DMRT2: variants seen among roughly 807,000 people sequenced by gnomAD.
DMRT2 encodes the protein doublesex- and mab-3-related transcription factor 2.
A neutral mutation model predicts 43.5 loss-of-function variants in DMRT2; 33 were observed. The ratio of observed to expected loss-of-function variants is 0.76; its 90% CI spans 0.58 to 1.01. DMRT2 has a LOEUF of 1.01. Among genes scored for constraint, DMRT2 ranks in the 50% least tolerant of loss-of-function variants. The pLI, the probability that DMRT2 is intolerant of heterozygous loss-of-function variation, is 0.00. For missense variants in DMRT2, 1,064 were observed against 748.0 expected, an observed-to-expected ratio of 1.42 and a Z score of -4.93; for synonymous variants, 395 against 309.2, an observed-to-expected ratio of 1.28 and a Z score of -2.91.
In DMRT2 at chr9:1,056,329, A is replaced by G. The variant is rs1821982318; in HGVS notation, c.742A>G (p.Ile248Val). The G allele has an allele frequency of 6.2e-7, 1 of 1,614,228 alleles. No individual in the cohort carries two copies. The highest frequency in any genetic ancestry group is 8.5e-7 in the Non-Finnish European group (1 of 1,180,050). The change falls in exon 4 of 4, where the codon ATT (isoleucine) becomes GTT (valine). Residue 248 changes from isoleucine (I) to valine (V), a missense_variant. Physicochemically the swap from Ile to Val is conservative, Grantham distance 29. Transcript: ENST00000358146. ...CTTTGCTGATAAAGAGTTGGAGAAC[A>G]TTATGCTGGAGAGAGAATATAAAGA... ...RAFADKELEN[I>V]MLEREYKERE...
chr9:1,056,359 G>C lies in DMRT2; in HGVS notation c.772G>C (p.Glu258Gln), dbSNP rs1821985087. ...IMLEREYKER[E>Q]MLETSQAAAL... ...GCTGGAGAGAGAATATAAAGAAAGG[G>C]AGATGTTGGAAACTTCTCAAGCTGC... Residue 258 changes from glutamate (E) to glutamine (Q), a missense_variant, in exon 4 of 4, where the codon GAG becomes CAG. Transcript: ENST00000358146. 1 of 1,614,160 alleles carries C rather than the reference G, an allele frequency of 6.2e-7. No homozygotes were observed. Among genetic ancestry groups the C allele is most frequent in the African/African-American group, 1.3e-5 (1 of 75,026 alleles).
In DMRT2 at chr9:1,051,906, G is replaced by T; in HGVS notation, c.293G>T (p.Gly98Val). The T allele has an allele frequency of 1.5e-6, 2 of 1,362,164 alleles. No individual in the cohort carries two copies. The highest frequency in any genetic ancestry group is 9.4e-7 in the Non-Finnish European group (1 of 1,067,920). The allele number at this position is 1,362,164 out of a possible 1,614,324, so 84.4% of individuals were successfully genotyped here. ...CTCGCGCCTCAGGCCTCACCCGCCGGCACCGGTCCCCGAGAGCGCTGCACT... is the reference window on the plus strand; with the variant it reads ...CTCGCGCCTCAGGCCTCACCCGCCGTCACCGGTCCCCGAGAGCGCTGCACT... ...PPLAPQASPA[G>V]TGPRERCTPA... is the part of the protein sequence containing the mutation. Residue 98 changes from glycine (G) to valine (V), a missense_variant, in exon 2 of 4, where the codon GGC (glycine) becomes GTC (valine). Transcript: ENST00000358146. This position sits in a 1 kb window ranked among gnomAD's most constrained non-coding sequence, Gnocchi z 5.9.
Position 1,051,197 on chromosome 9 carries a change from G to C in DMRT2, c.-44-373G>C, listed in dbSNP as rs769851532. On this transcript the variant is annotated intron_variant, in intron 1 of 3. Transcript: ENST00000358146. This position sits in a 1 kb window ranked among gnomAD's most constrained non-coding sequence, Gnocchi z 5.9. ...TTTTATATGCATCATGGCCATACTA[G>C]TTGAGTATGGGGAAATCCGACAAGT... Among the ~76,000 whole-genome samples the C allele has an allele frequency of 1.2e-4, 18 of 152,170 alleles. No individual in the cohort carries two copies. The highest frequency in any genetic ancestry group is 2.4e-4 in the Non-Finnish European group (16 of 68,038).
At chr9:1,054,408 CTT>C (rs34422902) in intron 3 of DMRT2, among the ~76,000 whole-genome samples, 22,817 of 137,984 alleles carry the variant, frequency 0.17, 1,742 homozygotes, top group Non-Finnish European at 0.19. Context: ...TTTCATTGTA[CTT>C]TTTTTTTTTT....
chr9:1,055,916 A>C, intron 3 of DMRT2: 1 of 1,421,980 alleles, frequency 7.0e-7, no homozygotes, highest in Non-Finnish European at 9.1e-7. Context: ...AAGAATATTA[A>C]AATTTTAATC....
intron 3 of DMRT2, among the ~76,000 whole-genome samples, chr9:1,055,225 A>G (rs751577028): frequency 1.3e-5 from 2 of 152,226 alleles, no homozygotes; most frequent in East Asian, 1.9e-4. Flanking sequence ...GCAAATGAGT[A>G]TAATGGGTTT....
chr9:1,051,860 G>A lies in DMRT2; in HGVS notation c.247G>A (p.Gly83Arg), dbSNP rs1026157610. Residue 83 changes from glycine (G) to arginine (R), a missense_variant, in exon 2 of 4, where the codon GGA (glycine) becomes AGA (arginine). Gly to Arg is a moderately radical substitution (Grantham distance 125). Coordinates refer to ENST00000358146, the MANE Select transcript of DMRT2 (RefSeq NM_181872.6). This position sits in a 1 kb window ranked among gnomAD's most constrained non-coding sequence, Gnocchi z 5.9. ...GCCCGGCCAGCCGGAGCAGCGGGGG[G>A]GACCGCAGCCGAGGCCGCCGCTCGC... Reference protein sequence around the residue: ...GMPGQPEQRGGPQPRPPLAPQ... With the variant: ...GMPGQPEQRGRPQPRPPLAPQ... 24 of 1,394,446 alleles carry A rather than the reference G, an allele frequency of 1.7e-5. No homozygotes were observed. Among genetic ancestry groups the A allele is most frequent in the Admixed American group, 3.8e-5 (1 of 26,524 alleles). The allele number at this position is 1,394,446 out of a possible 1,614,324, so 86.4% of individuals were successfully genotyped here.
rs1822006424 is a variant in DMRT2, at chr9:1,056,587, C to G, written c.1000C>G (p.Gln334Glu). 6.2e-7 allele frequency: 1 copy of G among 1,614,208 alleles called. No individual in the cohort carries two copies. ...TGTCAGCGTGGCCACAACTTATAGACAGTATCCCTTGTCCTCAAGATTTTT... is the reference window on the plus strand; with the variant it reads ...TGTCAGCGTGGCCACAACTTATAGAGAGTATCCCTTGTCCTCAAGATTTTT... ...SNVSVATTYR[Q>E]YPLSSRFLVW... Residue 334 changes from glutamine (Q) to glutamate (E), a missense_variant, in exon 4 of 4, where the codon CAG becomes GAG. Gln to Glu is a conservative substitution (Grantham distance 29). Coordinates refer to ENST00000358146, the MANE Select transcript of DMRT2 (RefSeq NM_181872.6).
rs776920272 is a variant in DMRT2, at chr9:1,051,687, A to C, written c.74A>C (p.Asp25Ala). The C allele has an allele frequency of 1.9e-6, 3 of 1,563,634 alleles. No homozygotes were observed. The highest frequency in any genetic ancestry group is 2.6e-6 in the Non-Finnish European group (3 of 1,162,496). The change falls in exon 2 of 4, where the codon GAC (aspartate) becomes GCC (alanine). Residue 25 changes from aspartate (D) to alanine (A), a missense_variant. Physicochemically the swap from Asp to Ala is moderately radical, Grantham distance 126. Coordinates refer to ENST00000358146, the MANE Select transcript of DMRT2 (RefSeq NM_181872.6). This position sits in a 1 kb window ranked among gnomAD's most constrained non-coding sequence, Gnocchi z 5.9. ...IDVESLELEE[D>A]VCGAPRSTPP... ...GTCGAGAGCCTGGAGCTGGAAGAGG[A>C]CGTCTGCGGGGCGCCGCGGTCCACG...
rs376847583 is a variant in DMRT2, at chr9:1,057,113, A to G, written c.1526A>G (p.Lys509Arg). Residue 509 changes from lysine to arginine, a missense_variant, in exon 4 of 4, where the codon AAG (lysine) becomes AGG (arginine). Physicochemically the swap from Lys to Arg is conservative, Grantham distance 26. Transcript: ENST00000358146. ...AAGAAACACAGAGAGTGTTTAGTTAAGGACAACCAGAAGTACACATTTACA... is the reference window on the plus strand; with the variant it reads ...AAGAAACACAGAGAGTGTTTAGTTAGGGACAACCAGAAGTACACATTTACA... ...TPKKHRECLV[K>R]DNQKYTFTID... 164 of 1,614,088 alleles carry G rather than the reference A, an allele frequency of 1.0e-4. No individual in the cohort carries two copies. Among genetic ancestry groups the G allele is most frequent in the Non-Finnish European group, 1.3e-4 (159 of 1,180,054 alleles).
chr9:1,051,452 T>C lies in DMRT2; in HGVS notation c.-44-118T>C. The C allele has an allele frequency of 8.2e-7, 1 of 1,226,774 alleles. No individual in the cohort carries two copies. Among genetic ancestry groups the C allele is most frequent in the Non-Finnish European group, 1.1e-6 (1 of 938,826 alleles). The allele number at this position is 1,226,774 out of a possible 1,614,324, so 76.0% of individuals were successfully genotyped here. On this transcript the variant is annotated intron_variant, in intron 1 of 3. Coordinates refer to ENST00000358146, the MANE Select transcript of DMRT2 (RefSeq NM_181872.6). This position sits in a 1 kb window ranked among gnomAD's most constrained non-coding sequence, Gnocchi z 5.9. ...TGGCCTGGAAGTGAGGGACATGTAATGAGAACAGGATGACTCAAGCGGCCG... is the reference window on the plus strand; with the variant it reads ...TGGCCTGGAAGTGAGGGACATGTAACGAGAACAGGATGACTCAAGCGGCCG...
chr9:1,056,361 G>C lies in DMRT2; in HGVS notation c.774G>C (p.Glu258Asp), dbSNP rs781086682. Residue 258 changes from glutamate (E) to aspartate (D), a missense_variant, in exon 4 of 4, where the codon GAG becomes GAC. Glu to Asp is a conservative substitution (Grantham distance 45). Transcript: ENST00000358146. ...TGGAGAGAGAATATAAAGAAAGGGA[G>C]ATGTTGGAAACTTCTCAAGCTGCTG... ...IMLEREYKER[E>D]MLETSQAAAL... 6.2e-7 allele frequency: 1 copy of C among 1,614,190 alleles called. No individual in the cohort carries two copies. The highest frequency in any genetic ancestry group is 2.2e-5 in the East Asian group (1 of 44,872).
Position 1,056,471 on chromosome 9 carries a change from C to A in DMRT2, c.884C>A (p.Pro295Gln), listed in dbSNP as rs144648877. Residue 295 changes from proline (P) to glutamine (Q), a missense_variant, in exon 4 of 4, where the codon CCA becomes CAA. Pro to Gln is a moderately conservative substitution (Grantham distance 76). Coordinates refer to ENST00000358146, the MANE Select transcript of DMRT2 (RefSeq NM_181872.6). ...SAYSPSPVEP[P>Q]SKDFCNFLPT... ...TACAGCCCCAGCCCAGTGGAACCACCAAGCAAGGACTTCTGTAATTTTTTG... is the reference window on the plus strand; with the variant it reads ...TACAGCCCCAGCCCAGTGGAACCACAAAGCAAGGACTTCTGTAATTTTTTG... 9.9e-6 allele frequency: 16 copies of A among 1,614,080 alleles called. No individual in the cohort carries two copies. The highest frequency in any genetic ancestry group is 2.2e-5 in the East Asian group (1 of 44,890).
At chr9:1,052,183 G>A in intron 2 of DMRT2, 45 bp downstream of exon 2, 2 of 1,307,640 alleles carry the variant, frequency 1.5e-6, no homozygotes, top group Non-Finnish European at 1.9e-6. Context: ...CAGTGGAGGT[G>A]GGGGAGTTGG....
rs1258885370 is a variant in DMRT2 at position 1,053,904 on chromosome 9, A to T, written c.628+80A>T. The T allele has an allele frequency of 1.7e-5, 22 of 1,280,596 alleles. No individual in the cohort carries two copies. The South Asian group carries it at 2.6e-4, about 15-fold the overall frequency. 79.3% of individuals were successfully genotyped at this position (1,280,596 alleles called of 1,614,324 possible). Reference sequence around the variant, plus strand: ...TAATCAGCACAAAGTGTGTTTATTAATCTGTGAAAGAGCTATCTAAAGGGA... The same window carrying T: ...TAATCAGCACAAAGTGTGTTTATTATTCTGTGAAAGAGCTATCTAAAGGGA... On this transcript the variant is annotated intron_variant, in intron 3 of 3. Coordinates refer to ENST00000358146, the MANE Select transcript of DMRT2 (RefSeq NM_181872.6).
chr9:1,056,102 G>A (rs761984453), intron 3 of DMRT2, 114 bp from the exon 4 acceptor site: 11 of 1,501,992 alleles, frequency 7.3e-6, no homozygotes, highest in African/African-American at 4.2e-5. Context: ...TCAGTGAGAT[G>A]GAACTGTAAA....
chr9:1,053,775 C>T lies in DMRT2; in HGVS notation c.579C>T (p.Tyr193=). ...KQNNFERKAV[Y]QRQVRAPSLL... ...ATAATTTCGAGCGCAAAGCTGTGTACCAGAGGCAAGTCAGAGCCCCCAGTT... is the reference window on the plus strand; with the variant it reads ...ATAATTTCGAGCGCAAAGCTGTGTATCAGAGGCAAGTCAGAGCCCCCAGTT... The change falls in exon 3 of 4, where the codon TAC becomes TAT. Residue 193 remains tyrosine, a synonymous_variant. Transcript: ENST00000358146. The T allele has an allele frequency of 6.2e-7, 1 of 1,614,056 alleles. No individual in the cohort carries two copies. The highest frequency in any genetic ancestry group is 1.3e-5 in the African/African-American group (1 of 75,006).
intron 3 of DMRT2, among the ~76,000 whole-genome samples, chr9:1,054,443 C>T (rs560218933): frequency 6.1e-4 from 92 of 149,646 alleles, no homozygotes; most frequent in African/African-American, 2.2e-3. Flanking sequence ...TGGATAATTC[C>T]TATTATTCCA....
Position 1,053,717 on chromosome 9 carries a change from T to C in DMRT2, c.526-5T>C. 6.2e-7 allele frequency: 1 copy of C among 1,611,156 alleles called. No homozygotes were observed. The highest frequency in any genetic ancestry group is 8.5e-7 in the Non-Finnish European group (1 of 1,178,244). ...CATTATTGATGATGTTTCTTGTGTTTACAGGACAAGAAGGGGCTTTCCGGG... is the reference window on the plus strand; with the variant it reads ...CATTATTGATGATGTTTCTTGTGTTCACAGGACAAGAAGGGGCTTTCCGGG... On this transcript the variant is annotated splice_polypyrimidine_tract_variant and splice_region_variant and intron_variant, in intron 2 of 3. Transcript: ENST00000358146.
Sources: allele counts gnomAD v4.1 joint callset (sites outside exome capture counted in the v4.1 genomes callset), GRCh38; gene constraint gnomAD v4.1.1; non-coding constraint Gnocchi (gnomAD v3.1); transcripts MANE v1.5; gene names NCBI Gene and HGNC (gene_info 2026-07-23, HGNC 2026-07-21).